ZNF483: variants seen among roughly 807,000 people sequenced by gnomAD.
ZNF483 encodes the protein zinc finger protein HIT-10.
ZNF483 carries 9 observed loss-of-function variants against 28.6 expected under a neutral mutation model. That is an observed-to-expected ratio of 0.32 (90% CI 0.19 to 0.55). The LOEUF is 0.55. Ranked by LOEUF, ZNF483 falls within the 20% of genes least tolerant of loss-of-function variation. The probability of loss-of-function intolerance (pLI) is 0.93; values close to 1 mark genes in which losing one functional copy is unlikely to be tolerated. For synonymous variants in ZNF483, 322 were observed against 306.2 expected, an observed-to-expected ratio of 1.05 and a Z score of -0.54; for missense variants, 675 against 871.7, an observed-to-expected ratio of 0.77 and a Z score of 2.84.
At chr9:111,537,951 T>G (rs2132245426) in intron 5 of ZNF483, among the ~76,000 whole-genome samples, 1 of 152,314 alleles carries the variant, frequency 6.6e-6, no homozygotes, top group East Asian at 1.9e-4. Flanking sequence ...TACTGTATCT[T>G]TACATTTGTT....
chr9:111,562,925 C>G, intron 5 of ZNF483: 2 of 1,375,032 alleles, frequency 1.5e-6, no homozygotes, highest in Non-Finnish European at 1.9e-6. Flanking sequence ...AGTGAGGTGA[C>G]TGGTTGTTGT....
rs756699161 is a variant in ZNF483 at position 111,534,502 on chromosome 9, G to T, written c.721+149G>T. ...GCCTTCCTGAAATGTTCATTTTAGT[G>T]GGGGAGACTTGGTTTGGGTCCTCTG... On this transcript the variant is annotated intron_variant, in intron 5 of 5. Transcript: ENST00000309235. 12 of 664,518 alleles carry T rather than the reference G, an allele frequency of 1.8e-5. 1 individual carries two copies. The highest frequency in any genetic ancestry group is 4.1e-5 in the South Asian group (2 of 48,956). 41.2% of individuals were successfully genotyped at this position (664,518 alleles called of 1,614,324 possible). A position where few individuals can be genotyped will look rare whatever the true frequency, so the allele number is the denominator to read the frequency against.
At chr9:111,528,717 C>T (rs578167902) in intron 2 of ZNF483, among the ~76,000 whole-genome samples, 5 of 152,272 alleles carry the variant, frequency 3.3e-5, no homozygotes, top group African/African-American at 9.6e-5. Context: ...GTATTTACCT[C>T]CATACACTTA....
At chr9:111,560,956 TATATATATATATATATATAGAGAG>T (rs1828270132) in intron 5 of ZNF483, among the ~76,000 whole-genome samples, 1 of 38,928 alleles carries the variant, frequency 2.6e-5, no homozygotes, top group African/African-American at 1.2e-4. Flanking sequence ...TATATATATA[TATATATATATATATATATAGAGAG>T]AGAGAGAGAG....
In ZNF483 at chr9:111,549,400, G is replaced by T. The variant is rs80191896; in HGVS notation, c.*6230G>T. 8.4e-3 allele frequency among the ~76,000 whole-genome samples: 1,276 copies of T among 152,300 alleles called. 17 individuals carry two copies. The highest frequency in any genetic ancestry group is 0.028 in the African/African-American group (1,173 of 41,560). On this transcript the variant is annotated 3_prime_UTR_variant, in exon 6 of 6. Transcript: ENST00000309235. ...TCTCTCAAGCCACAACACATGTGAGGTTCCTCTGCTGAATGAATCTTTTGG... is the reference window on the plus strand; with the variant it reads ...TCTCTCAAGCCACAACACATGTGAGTTTCCTCTGCTGAATGAATCTTTTGG...
chr9:111,543,343 TA>T lies in ZNF483; in HGVS notation c.*176del. 7.2e-6 allele frequency: 10 copies of T among 1,386,264 alleles called. No individual in the cohort carries two copies. Among genetic ancestry groups the T allele is most frequent in the Non-Finnish European group, 9.3e-6 (10 of 1,075,678 alleles). The allele number at this position is 1,386,264 out of a possible 1,614,324, so 85.9% of individuals were successfully genotyped here. A position where few individuals can be genotyped will look rare whatever the true frequency, so the allele number is the denominator to read the frequency against. Reference sequence around the variant, plus strand: ...TCTTTTCAAGGATGGCAACGACTGGTAAACAGTAATTAGTTGGTAAAGTCAC... The same window carrying T: ...TCTTTTCAAGGATGGCAACGACTGGTAACAGTAATTAGTTGGTAAAGTCAC... On this transcript the variant is annotated 3_prime_UTR_variant, in exon 6 of 6. Transcript: ENST00000309235.
chr9:111,569,230 C>G (rs1008018030), intron 5 of ZNF483, among the ~76,000 whole-genome samples: 3 of 152,104 alleles, frequency 2.0e-5, no homozygotes, highest in Non-Finnish European at 2.9e-5. Flanking sequence ...TAAGGGATAG[C>G]TCAAGCGTAG....
downstream of ZNF483, among the ~76,000 whole-genome samples, chr9:111,556,023 T>C (rs1828111630): frequency 6.6e-6 from 1 of 152,192 alleles, no homozygotes; most frequent in South Asian, 2.1e-4. Context: ...GCCTGTAAAA[T>C]CACAAGTCAA....
intron 5 of ZNF483, among the ~76,000 whole-genome samples, chr9:111,536,015 A>G: frequency 6.7e-6 from 1 of 149,558 alleles, no homozygotes; most frequent in South Asian, 2.1e-4. Flanking sequence ...CAGCCTCCCA[A>G]CTAGCTGGGA....
At chr9:111,570,932 TGA>T (rs1388014559) in intron 5 of ZNF483, among the ~76,000 whole-genome samples, 2 of 151,480 alleles carry the variant, frequency 1.3e-5, no homozygotes, top group African/African-American at 2.4e-5. Flanking sequence ...GAAGCAGAGA[TGA>T]GAGAGAGGAG....
At chr9:111,536,509 A>G (rs936322592) in intron 5 of ZNF483, among the ~76,000 whole-genome samples, 2 of 152,308 alleles carry the variant, frequency 1.3e-5, no homozygotes, top group East Asian at 3.9e-4. Flanking sequence ...TGGGCGACAG[A>G]GCGAGACTCC....
At position 111,549,227 on chromosome 9, in the gene ZNF483, G is replaced by C. The variant is rs796239967; in HGVS notation, c.*6057G>C. The stretch of plus-strand genomic sequence containing the variant: ...GTTTTCCCCTCGGAATAGTTTATCA[G>C]ATGAGGAATTTCTTGATCACTGGGG... On this transcript the variant is annotated 3_prime_UTR_variant, in exon 6 of 6. Coordinates refer to ENST00000309235, the MANE Select transcript of ZNF483 (RefSeq NM_133464.5). Among the ~76,000 whole-genome samples, 1 of 152,282 alleles carries C rather than the reference G, an allele frequency of 6.6e-6. No individual in the cohort carries two copies. Among genetic ancestry groups the C allele is most frequent in the African/African-American group, 2.4e-5 (1 of 41,540 alleles).
rs1828085549 is a variant in ZNF483 at position 111,555,164 on chromosome 9, ATCC to A, written c.*12001_*12003del. ...GTTTTTAGTCTTCTATCTTATTTCCATCCTCCTCCAGGCCCAGGGTACCCAAGT... is the reference window on the plus strand; with the variant it reads ...GTTTTTAGTCTTCTATCTTATTTCCATCCTCCAGGCCCAGGGTACCCAAGT... On this transcript the variant is annotated 3_prime_UTR_variant, in exon 6 of 6. Transcript: ENST00000309235. 1.3e-5 allele frequency among the ~76,000 whole-genome samples: 2 copies of A among 151,926 alleles called. No homozygotes were observed. The highest frequency in any genetic ancestry group is 2.9e-5 in the Non-Finnish European group (2 of 68,008).
exon 6 of ZNF483, chr9:111,577,337 T>C (rs1829103141): frequency 6.6e-6 from 1 of 152,138 alleles, no homozygotes. Flanking sequence ...TGTAGAGAAG[T>C]TGGAACCCTC....
intron 5 of ZNF483, among the ~76,000 whole-genome samples, chr9:111,573,836 T>A (rs1392106279): frequency 6.6e-6 from 1 of 151,818 alleles, no homozygotes; most frequent in East Asian, 1.9e-4. Context: ...GACCTCAGAG[T>A]GTGGAGCGGG....
chr9:111,534,700 A>G (rs1467486117), intron 5 of ZNF483, among the ~76,000 whole-genome samples: 1 of 149,928 alleles, frequency 6.7e-6, no homozygotes, highest in Non-Finnish European at 1.5e-5. Context: ...AAAGTCTTAG[A>G]CTAAAGTGTC....
chr9:111,536,446 AC>A (rs1827504703), intron 5 of ZNF483, among the ~76,000 whole-genome samples: 2 of 152,062 alleles, frequency 1.3e-5, no homozygotes, highest in African/African-American at 4.8e-5. Context: ...AATCGCTTGA[AC>A]CTGGGAAGTG....
chr9:111,554,932 C>T lies in ZNF483; in HGVS notation c.*11762C>T, dbSNP rs571621576. Among the ~76,000 whole-genome samples the T allele has an allele frequency of 6.6e-6, 1 of 152,160 alleles. No homozygotes were observed. The highest frequency in any genetic ancestry group is 2.4e-5 in the African/African-American group (1 of 41,508). ...GTGACCTACTTTTTGCCTTTGGGAC[C>T]CTAAATGTCAGTGCCTGTTAATTTT... On this transcript the variant is annotated 3_prime_UTR_variant, in exon 6 of 6. Coordinates refer to ENST00000309235, the MANE Select transcript of ZNF483 (RefSeq NM_133464.5).
At chr9:111,528,507 T>G (rs1827236886) in intron 2 of ZNF483, among the ~76,000 whole-genome samples, 1 of 152,212 alleles carries the variant, frequency 6.6e-6, no homozygotes. Context: ...GGGTGAGTAG[T>G]CCTTTCAGGG....
Sources: allele counts gnomAD v4.1 joint callset (sites outside exome capture counted in the v4.1 genomes callset), GRCh38; gene constraint gnomAD v4.1.1; transcripts MANE v1.5; gene names NCBI Gene and HGNC (gene_info 2026-07-23, HGNC 2026-07-21).